Variants in KLF12 observed in about 807,000 individuals in gnomAD.
KLF12 encodes KLF transcription factor 12.
In KLF12, 9 loss-of-function variants were observed where a neutral mutation model predicts 37.8. The ratio of observed to expected loss-of-function variants is 0.24; its 90% confidence interval spans 0.14 to 0.42. The LOEUF (loss-of-function observed/expected upper bound fraction) is 0.42. Ranked by LOEUF, KLF12 falls within the 10% of genes least tolerant of loss-of-function variation. KLF12 has a pLI of 1.00. For synonymous variants in KLF12, 208 were observed against 202.1 expected (o/e 1.03, Z -0.25); for missense variants, 411 against 516.0 (o/e 0.80, Z 1.97).
At chr13:74,089,795 T>G (rs1263305544) in intron 1 of KLF12, among the ~76,000 whole-genome samples, 2 of 107,250 alleles carry the variant, frequency 1.9e-5, no homozygotes, top group Non-Finnish European at 3.6e-5. Context: ...CGACGTAACA[T>G]GCAGGGGGAA....
intron 3 of KLF12, among the ~76,000 whole-genome samples, chr13:73,921,152 C>A (rs1297569728): frequency 1.3e-5 from 2 of 152,188 alleles, no homozygotes; most frequent in African/African-American, 4.8e-5. Context: ...TACATCCCCC[C>A]ACTTCCCTCC....
At chr13:73,919,877 A>T (rs1290604800) in intron 3 of KLF12, among the ~76,000 whole-genome samples, 1 of 152,154 alleles carries the variant, frequency 6.6e-6, no homozygotes, top group African/African-American at 2.4e-5. Flanking sequence ...TTAACTGAGA[A>T]ATATCGAAGC....
At chr13:73,773,552 A>G (rs1196436088) in intron 5 of KLF12, among the ~76,000 whole-genome samples, 2 of 149,852 alleles carry the variant, frequency 1.3e-5, no homozygotes, top group African/African-American at 4.9e-5. Context: ...ACAAACAGGG[A>G]TGGCTATGAC....
At chr13:73,956,331 A>G (rs1440515692) in intron 2 of KLF12, among the ~76,000 whole-genome samples, 1 of 152,186 alleles carries the variant, frequency 6.6e-6, no homozygotes, top group Non-Finnish European at 1.5e-5. Flanking sequence ...TAGAGAGAGT[A>G]TATTTGAGGA....
At chr13:74,080,557 G>A (rs1314261441) in intron 1 of KLF12, among the ~76,000 whole-genome samples, 2 of 151,362 alleles carry the variant, frequency 1.3e-5, no homozygotes, top group African/African-American at 4.9e-5. Flanking sequence ...TGTTAGATAA[G>A]TAAATAAAAG....
At chr13:73,945,433 C>T (rs955746354) in intron 2 of KLF12, among the ~76,000 whole-genome samples, 3 of 150,158 alleles carry the variant, frequency 2.0e-5, no homozygotes, top group African/African-American at 7.3e-5. Flanking sequence ...CACGCCATTG[C>T]ACTCCAGCCT....
the KLF12 span, among the ~76,000 whole-genome samples, chr13:74,291,480 A>G: frequency 4.5e-4 from 68 of 152,318 alleles, no homozygotes; most frequent in Non-Finnish European, 7.9e-4. Flanking sequence ...GCAAAGTCAC[A>G]TCCTCAGAGA....
the KLF12 span, among the ~76,000 whole-genome samples, chr13:74,289,416 C>A: frequency 6.6e-6 from 1 of 152,176 alleles, no homozygotes; most frequent in Non-Finnish European, 1.5e-5. Flanking sequence ...AATAGTGGAA[C>A]AAGGAATCTT....
At chr13:73,929,647 G>A (rs1201018695) in intron 3 of KLF12, among the ~76,000 whole-genome samples, 2 of 152,140 alleles carry the variant, frequency 1.3e-5, no homozygotes, top group Non-Finnish European at 2.9e-5. Context: ...AACATGGGTG[G>A]GGCAAAGCGC....
At position 73,695,613 on chromosome 13, in the gene KLF12, A is replaced by G. The variant is rs774677463; in HGVS notation, c.1086T>C (p.Asp362=). 6 of 1,613,978 alleles carry G rather than the reference A, an allele frequency of 3.7e-6. No individual in the cohort carries two copies. The Admixed American group carries it at 1.0e-4, about 27-fold the overall frequency. Residue 362 remains aspartate (D), a synonymous_variant, in exon 8 of 8, where the codon GAT becomes GAC. Coordinates refer to ENST00000377669, the MANE Select transcript of KLF12 (RefSeq NM_007249.5). ...GTTTGCGGTAATGCCTCGTCAGTTC[A>G]TCTGAACGAGCGAACTTCCAGGTGC...
At chr13:74,229,353 G>T in the KLF12 span, among the ~76,000 whole-genome samples, 3 of 152,100 alleles carry the variant, frequency 2.0e-5, no homozygotes, top group Non-Finnish European at 4.4e-5. Flanking sequence ...CCAAAAACAA[G>T]TCCTTTGACT....
chr13:73,876,157 A>T (rs1049977109), intron 3 of KLF12, among the ~76,000 whole-genome samples: 8 of 151,938 alleles, frequency 5.3e-5, no homozygotes, highest in African/African-American at 1.4e-4. Context: ...TAAAATAAAA[A>T]AAAAAAAAAA....
At chr13:74,135,972 G>C (rs948162927), upstream of KLF12, among the ~76,000 whole-genome samples, 3 of 152,208 alleles carry the variant, frequency 2.0e-5, no homozygotes, top group Non-Finnish European at 4.4e-5. Flanking sequence ...TCTGCCTGGT[G>C]CGTTCTCTGC....
chr13:74,126,582 T>A (rs553371539), intron 1 of KLF12, among the ~76,000 whole-genome samples: 40 of 152,342 alleles, frequency 2.6e-4, no homozygotes, highest in African/African-American at 9.6e-4. Context: ...AACTTTCTCA[T>A]AACTAGATGC....
At chr13:73,701,983 T>TA (rs1874592317) in intron 7 of KLF12, among the ~76,000 whole-genome samples, 1 of 152,062 alleles carries the variant, frequency 6.6e-6, no homozygotes, top group African/African-American at 2.4e-5. Flanking sequence ...TAAAGTGAAA[T>TA]AGTCCTCTAA....
chr13:73,795,734 T>C (rs1057075879), intron 5 of KLF12, among the ~76,000 whole-genome samples: 1 of 152,160 alleles, frequency 6.6e-6, no homozygotes, highest in Admixed American at 6.5e-5. Flanking sequence ...CTATAAAATA[T>C]GGAGACAGGA....
At chr13:74,073,701 C>T (rs991957836) in intron 1 of KLF12, among the ~76,000 whole-genome samples, 4 of 152,074 alleles carry the variant, frequency 2.6e-5, no homozygotes, top group Non-Finnish European at 4.4e-5. Flanking sequence ...AGTCAAATGG[C>T]CCAAATACAA....
intron 3 of KLF12, among the ~76,000 whole-genome samples, chr13:73,877,194 C>T (rs960079067): frequency 1.3e-5 from 2 of 152,064 alleles, no homozygotes; most frequent in African/African-American, 4.8e-5. Flanking sequence ...GAAACTAACT[C>T]CCAATGTCCT....
chr13:73,749,321 C>T (rs1205690338), intron 6 of KLF12, among the ~76,000 whole-genome samples: 5 of 152,130 alleles, frequency 3.3e-5, no homozygotes, highest in Admixed American at 1.3e-4. Context: ...ACAACAGAGC[C>T]TGCATTTAAA....
Sources: allele counts gnomAD v4.1 joint callset (sites outside exome capture counted in the v4.1 genomes callset), GRCh38; gene constraint gnomAD v4.1.1; transcripts MANE v1.5; gene names NCBI Gene and HGNC (gene_info 2026-07-23, HGNC 2026-07-21).